Variants in MGAT4C observed in about 807,000 individuals in gnomAD.
MGAT4C encodes the protein alpha-1,3-mannosyl-glycoprotein 4-beta-N-acetylglucosaminyltransferase C.
In MGAT4C, 19 loss-of-function variants were observed where a neutral mutation model predicts 40.1. The ratio of observed to expected loss-of-function variants is 0.47; its 90% CI spans 0.33 to 0.70. The LOEUF (loss-of-function observed/expected upper bound fraction) is 0.70, where lower values mean the gene tolerates loss of function less well. Ranked by LOEUF, MGAT4C falls within the 30% of genes least tolerant of loss-of-function variation. The pLI is 0.02. For missense variants in MGAT4C, 491 were observed against 563.2 expected, an observed-to-expected ratio of 0.87 and a Z score of 1.30; for synonymous variants, 181 against 187.1, an observed-to-expected ratio of 0.97 and a Z score of 0.27.
In MGAT4C at chr12:86,514,110, A is replaced by AC. The variant is rs774960809; in HGVS notation, c.-228-78846_-228-78845insG. Among the ~76,000 whole-genome samples the AC allele has an allele frequency of 3.3e-3, 481 of 144,700 alleles. 3 individuals are homozygous for AC. Among genetic ancestry groups the AC allele is most frequent in the African/African-American group, 0.012 (463 of 39,052 alleles). The allele number at this position is 144,700 out of a possible 152,430, so 94.9% of individuals were successfully genotyped here. ...CACACACACACACACACACACACAC[A>AC]ACCCCGGCTTAGTAGAGATTTGGAG... is the stretch of plus-strand genomic sequence containing the variant. On this transcript the variant is annotated intron_variant, in intron 2 of 7. Transcript: ENST00000548651.
At chr12:86,521,460 CTGTT>C (rs1172417618) in intron 2 of MGAT4C, among the ~76,000 whole-genome samples, 1 of 151,948 alleles carries the variant, frequency 6.6e-6, no homozygotes, top group African/African-American at 2.4e-5. Context: ...CTATGCTGCT[CTGTT>C]TACTGTAGCC....
rs1398797080 is a variant in MGAT4C, at chr12:86,586,639, C to T, written c.-229+140570G>A. 6.6e-5 allele frequency among the ~76,000 whole-genome samples: 9 copies of T among 136,158 alleles called. No individual in the cohort carries two copies. The South Asian group carries it at 1.1e-3, about 17-fold the overall frequency. 89.3% of individuals were successfully genotyped at this position (136,158 alleles called of 152,430 possible). On this transcript the variant is annotated intron_variant, in intron 2 of 7. Coordinates refer to the MGAT4C transcript ENST00000548651. ...TGTTTCCTGACTTTTTAATGATTGC[C>T]ATTCTAACTGGTGTGAGATGATATC...
intron 1 of MGAT4C, among the ~76,000 whole-genome samples, chr12:86,813,360 C>T (rs969453104): frequency 1.3e-5 from 2 of 151,954 alleles, no homozygotes; most frequent in Non-Finnish European, 2.9e-5. Flanking sequence ...AAAATTCGTG[C>T]GTTTTTACCT....
chr12:86,728,307 T>C (rs79864406), intron 1 of MGAT4C, among the ~76,000 whole-genome samples: 3,128 of 152,280 alleles, frequency 0.021, 100 homozygotes, highest in African/African-American at 0.071. Context: ...AATATTTGAG[T>C]CTACATGCCT....
intron 2 of MGAT4C, among the ~76,000 whole-genome samples, chr12:86,716,738 T>A (rs1442315008): frequency 1.3e-5 from 2 of 152,134 alleles, no homozygotes; most frequent in Non-Finnish European, 2.9e-5. Flanking sequence ...TGATGACAGA[T>A]ACATGCCTTA....
chr12:86,585,212 C>A (rs1313731472), intron 2 of MGAT4C, among the ~76,000 whole-genome samples: 1 of 151,238 alleles, frequency 6.6e-6, no homozygotes, highest in Admixed American at 6.6e-5. Flanking sequence ...CCTTTCTTTC[C>A]AAGTAATAGC....
At chr12:86,403,302 T>C (rs1347830906) in intron 3 of MGAT4C, among the ~76,000 whole-genome samples, 1 of 152,220 alleles carries the variant, frequency 6.6e-6, no homozygotes, top group Non-Finnish European at 1.5e-5. Flanking sequence ...TAGACAATGG[T>C]CTGTAACCAT....
intron 2 of MGAT4C, among the ~76,000 whole-genome samples, chr12:86,469,033 T>C (rs997662169): frequency 4.6e-5 from 7 of 152,124 alleles, no homozygotes; most frequent in African/African-American, 1.7e-4. Context: ...TCATTGTCTC[T>C]TACCTTTCCC....
At chr12:86,538,656 G>A (rs1330418975) in intron 2 of MGAT4C, among the ~76,000 whole-genome samples, 1 of 144,964 alleles carries the variant, frequency 6.9e-6, no homozygotes, top group South Asian at 2.2e-4. Context: ...CGCCCAGGCT[G>A]GAGTACAGTG....
chr12:86,090,046 T>C (rs1020906699), intron 1 of MGAT4C, among the ~76,000 whole-genome samples: 1 of 151,688 alleles, frequency 6.6e-6, no homozygotes, highest in African/African-American at 2.4e-5. Context: ...TTCTCTTCTA[T>C]TTGGGATTAA....
chr12:86,562,440 C>CT (rs1056566217), intron 2 of MGAT4C, among the ~76,000 whole-genome samples: 5 of 151,860 alleles, frequency 3.3e-5, no homozygotes, highest in African/African-American at 1.2e-4. Context: ...TCTGAGGAGG[C>CT]TTTTTTTGCC....
At chr12:86,379,843 G>A (rs1000227996) in intron 3 of MGAT4C, among the ~76,000 whole-genome samples, 3 of 151,544 alleles carry the variant, frequency 2.0e-5, no homozygotes, top group Non-Finnish European at 2.9e-5. Flanking sequence ...GTTTTATCCT[G>A]AGTTAGAATA....
At chr12:86,426,177 G>A (rs146486457) in intron 3 of MGAT4C, among the ~76,000 whole-genome samples, 221 of 152,234 alleles carry the variant, frequency 1.5e-3, no homozygotes, top group African/African-American at 5.0e-3. Context: ...TCCTCTGAAT[G>A]TGTGGTCCAT....
intron 2 of MGAT4C, among the ~76,000 whole-genome samples, chr12:86,723,863 C>T (rs1053444085): frequency 1.3e-5 from 2 of 152,098 alleles, no homozygotes; most frequent in Non-Finnish European, 2.9e-5. Context: ...GTAACAACTG[C>T]CTTAAATTTC....
intron 2 of MGAT4C, among the ~76,000 whole-genome samples, chr12:86,677,369 A>G (rs1253428927): frequency 6.6e-6 from 1 of 152,136 alleles, no homozygotes; most frequent in Non-Finnish European, 1.5e-5. Context: ...TCACTTTGGT[A>G]ACATTTCAAC....
rs1178118635 is a variant in MGAT4C at position 86,285,560 on chromosome 12, A to G, written c.-57+48505T>C. On this transcript the variant is annotated intron_variant, in intron 4 of 7. Coordinates refer to the MGAT4C transcript ENST00000548651. ...ATTTTGACAAAAGTTAGAAAACAAT[A>G]ATTACTGAAATAGAAATGAGGGAGC... is the stretch of plus-strand genomic sequence containing the variant. Among the ~76,000 whole-genome samples, 3 of 152,030 alleles carry G rather than the reference A, an allele frequency of 2.0e-5. No homozygotes were observed. The East Asian group carries it at 5.8e-4, about 29-fold the overall frequency.
At chr12:86,315,605 C>CT (rs1954194152) in intron 4 of MGAT4C, among the ~76,000 whole-genome samples, 1 of 152,104 alleles carries the variant, frequency 6.6e-6, no homozygotes, top group East Asian at 1.9e-4. Context: ...GCTCTGGAGG[C>CT]TGAGGCAGGA....
intron 1 of MGAT4C, among the ~76,000 whole-genome samples, chr12:86,243,647 A>T (rs1165084118): frequency 3.3e-5 from 5 of 152,170 alleles, no homozygotes; most frequent in Non-Finnish European, 7.4e-5. Flanking sequence ...TGAGGGTGGT[A>T]TCCTACTGAT....
intron 2 of MGAT4C, among the ~76,000 whole-genome samples, chr12:86,499,542 CT>C (rs112474861): frequency 3.3e-5 from 5 of 150,960 alleles, no homozygotes; most frequent in African/African-American, 1.2e-4. Context: ...TCAATCGTCT[CT>C]TTTTTTTTAA....
Sources: gnomAD v4.1 joint callset for allele counts (sites outside exome capture counted in the v4.1 genomes callset) on GRCh38, gnomAD v4.1.1 for gene constraint, MANE v1.5 for transcripts, NCBI Gene and HGNC (gene_info 2026-07-23, HGNC 2026-07-21) for gene names.